The following ESRRG variants were observed in gnomAD, a reference collection of about 807,000 sequenced individuals.
ESRRG encodes the protein estrogen related receptor gamma, also known as estrogen-related receptor gamma.
In ESRRG, 13 loss-of-function variants were observed where a neutral mutation model predicts 44.0. The ratio of observed to expected loss-of-function variants is 0.30; its 90% confidence interval spans 0.19 to 0.47. The LOEUF is 0.47. ESRRG is among the 20% of genes least tolerant of loss of function. The probability of loss-of-function intolerance (pLI) is 1.00; values close to 1 mark genes in which losing one functional copy is unlikely to be tolerated. For missense variants in ESRRG, 395 were observed against 580.6 expected (o/e 0.68, Z 3.29); for synonymous variants, 215 against 214.6 (o/e 1.00, Z -0.02).
rs527304247 is a variant in ESRRG at position 217,133,393 on chromosome 1, T to C, written c.-230+4274A>G. ...TCAGGACCCAGAGTTTATGCTAAAGTAAAATTGCCGGAGGTACTGGGAGCC... is the reference window on the plus strand; with the variant it reads ...TCAGGACCCAGAGTTTATGCTAAAGCAAAATTGCCGGAGGTACTGGGAGCC... On this transcript the variant is annotated intron_variant, in intron 1 of 8. Coordinates refer to the ESRRG transcript ENST00000366940. 1.9e-4 allele frequency among the ~76,000 whole-genome samples: 29 copies of C among 152,374 alleles called. No homozygotes were observed. The South Asian group carries it at 5.4e-3, about 28-fold the overall frequency.
chr1:216,515,681 T>C lies in ESRRG; in HGVS notation c.1132+3471A>G, dbSNP rs988113688. Among the ~76,000 whole-genome samples, 34 of 152,252 alleles carry C rather than the reference T, an allele frequency of 2.2e-4. 1 individual carries two copies. Among genetic ancestry groups the C allele is most frequent in the Admixed American group, 1.5e-3 (23 of 15,282 alleles). On this transcript the variant is annotated intron_variant, in intron 6 of 6. Coordinates refer to ENST00000408911, the MANE Select transcript of ESRRG (RefSeq NM_001438.4). ...GAAAACTTGACTTGAAAAATGTTTA[T>C]TCTTGAATGGATTGGACTCACCTGG...
upstream of ESRRG, among the ~76,000 whole-genome samples, chr1:217,092,742 C>T (rs1383671113): frequency 2.0e-5 from 3 of 152,166 alleles, no homozygotes; most frequent in Non-Finnish European, 4.4e-5. Flanking sequence ...TTCGGGTTTA[C>T]CTAACATAGT....
At chr1:217,112,873 C>A (rs1010995932) in intron 1 of ESRRG, among the ~76,000 whole-genome samples, 2 of 152,136 alleles carry the variant, frequency 1.3e-5, no homozygotes, top group Non-Finnish European at 2.9e-5. Flanking sequence ...GCTTTGTAGA[C>A]CCTCTCTGTG....
chr1:217,125,756 A>G (rs2102515981), intron 1 of ESRRG, among the ~76,000 whole-genome samples: 1 of 152,334 alleles, frequency 6.6e-6, no homozygotes, highest in African/African-American at 2.4e-5. Flanking sequence ...GCAACATTAA[A>G]AATATGTTGG....
intron 1 of ESRRG, among the ~76,000 whole-genome samples, chr1:217,133,769 C>T (rs1430860439): frequency 6.6e-6 from 1 of 151,650 alleles, no homozygotes; most frequent in Non-Finnish European, 1.5e-5. Flanking sequence ...CTCTCCTTTC[C>T]TTCCCTTCCC....
chr1:217,084,097 A>G (rs903437958), intron 1 of ESRRG, among the ~76,000 whole-genome samples: 2 of 151,188 alleles, frequency 1.3e-5, no homozygotes, highest in Non-Finnish European at 3.0e-5. Flanking sequence ...TTTTTTCCCC[A>G]TTAAGGGAGG....
intron 2 of ESRRG, among the ~76,000 whole-genome samples, chr1:216,735,476 G>T (rs2089701748): frequency 6.6e-6 from 1 of 152,094 alleles, no homozygotes. Flanking sequence ...CCAAATTGCT[G>T]GGATTACAGG....
chr1:217,135,973 G>A (rs1210087009), intron 1 of ESRRG, among the ~76,000 whole-genome samples: 1 of 152,136 alleles, frequency 6.6e-6, no homozygotes, highest in African/African-American at 2.4e-5. Context: ...GTAGTTGTGA[G>A]GGGATAGATT....
At chr1:216,873,216 T>G (rs972992420) in intron 2 of ESRRG, among the ~76,000 whole-genome samples, 7 of 143,756 alleles carry the variant, frequency 4.9e-5, no homozygotes, top group Admixed American at 2.7e-4. Context: ...TCAGTTTTTT[T>G]TTTTTTTTTT....
intron 3 of ESRRG, among the ~76,000 whole-genome samples, chr1:216,589,669 C>T (rs568228354): frequency 3.3e-5 from 5 of 151,880 alleles, no homozygotes; most frequent in African/African-American, 7.2e-5. Context: ...TCTGGGAGGC[C>T]GAGGCAGGTG....
At chr1:216,765,480 A>G (rs12134568) in intron 2 of ESRRG, among the ~76,000 whole-genome samples, 34 of 152,226 alleles carry the variant, frequency 2.2e-4, no homozygotes, top group Admixed American at 5.2e-4. Flanking sequence ...GCAAGTTTAC[A>G]GCTAGCTAGC....
At chr1:216,894,110 T>C (rs1220737148) in intron 2 of ESRRG, among the ~76,000 whole-genome samples, 1 of 152,164 alleles carries the variant, frequency 6.6e-6, no homozygotes, top group African/African-American at 2.4e-5. Flanking sequence ...ACTGTGGATT[T>C]TTCTCATCTC....
intron 2 of ESRRG, among the ~76,000 whole-genome samples, chr1:216,772,835 C>T (rs1395391773): frequency 6.7e-6 from 1 of 149,168 alleles, no homozygotes; most frequent in African/African-American, 2.5e-5. Flanking sequence ...AGCTGCAAGT[C>T]AGGAGCACTA....
At chr1:217,113,573 G>C (rs529626508) in intron 1 of ESRRG, among the ~76,000 whole-genome samples, 2 of 152,224 alleles carry the variant, frequency 1.3e-5, no homozygotes, top group East Asian at 3.9e-4. Context: ...TGCTACAATA[G>C]AAAGAGACTT....
At chr1:216,570,994 A>C (rs1466322069) in intron 3 of ESRRG, among the ~76,000 whole-genome samples, 3 of 152,216 alleles carry the variant, frequency 2.0e-5, no homozygotes, top group Non-Finnish European at 4.4e-5. Context: ...AGATCTGCGG[A>C]AAAAGACCAT....
intron 1 of ESRRG, among the ~76,000 whole-genome samples, chr1:216,963,428 A>G (rs969039517): frequency 2.6e-5 from 4 of 152,134 alleles, no homozygotes; most frequent in Non-Finnish European, 4.4e-5. Context: ...CTCAAAGTTA[A>G]TACAATTCAT....
chr1:216,757,837 C>T (rs1027528427), intron 2 of ESRRG, among the ~76,000 whole-genome samples: 1 of 151,970 alleles, frequency 6.6e-6, no homozygotes, highest in African/African-American at 2.4e-5. Context: ...TGACTGAACC[C>T]AAATCAAATC....
chr1:216,705,877 C>T (rs1229866531), intron 1 of ESRRG, among the ~76,000 whole-genome samples: 6 of 152,300 alleles, frequency 3.9e-5, no homozygotes, highest in African/African-American at 1.4e-4. Flanking sequence ...GATGGCAAGG[C>T]GCCCTGTCTG....
chr1:217,044,270 A>G (rs967233861), intron 1 of ESRRG, among the ~76,000 whole-genome samples: 1 of 152,114 alleles, frequency 6.6e-6, no homozygotes, highest in African/African-American at 2.4e-5. Flanking sequence ...GTGACTAGCC[A>G]CTGCACATTA....
Sources: allele counts gnomAD v4.1 joint callset (sites outside exome capture counted in the v4.1 genomes callset), GRCh38; gene constraint gnomAD v4.1.1; transcripts MANE v1.5; gene names NCBI Gene and HGNC (gene_info 2026-07-23, HGNC 2026-07-21).